Variants in DACH2 observed in about 807,000 individuals in gnomAD.
DACH2 encodes the protein dachshund family transcription factor 2.
In DACH2, 17 loss-of-function variants were observed where a neutral mutation model predicts 35.8. The observed-to-expected ratio is 0.48, with a 90% CI of 0.33 to 0.71. The LOEUF (loss-of-function observed/expected upper bound fraction) is 0.71. DACH2 is among the 30% of genes least tolerant of loss of function. The probability of loss-of-function intolerance (pLI) is 0.02; values close to 1 mark genes in which losing one functional copy is unlikely to be tolerated. For missense variants in DACH2, 469 were observed against 472.7 expected (o/e 0.99, Z 0.07); for synonymous variants, 195 against 177.3 (o/e 1.10, Z -0.79).
chrX:86,205,411 T>G (rs2032260686), intron 1 of DACH2, among the ~76,000 whole-genome samples: 1 of 64,981 alleles, frequency 1.5e-5, no homozygotes, highest in Admixed American at 1.6e-4. Context: ...CCTCCCTCCT[T>G]TCCTTCCTTC....
chrX:86,749,435 C>CAAT (rs1031364573), intron 7 of DACH2, among the ~76,000 whole-genome samples: 2 of 111,214 alleles, frequency 1.8e-5, no homozygotes, highest in Admixed American at 9.6e-5. Flanking sequence ...GACATAATTT[C>CAAT]AATATTGTTG....
chrX:86,285,401 T>A (rs1032410223), intron 1 of DACH2, among the ~76,000 whole-genome samples: 3 of 111,956 alleles, frequency 2.7e-5, no homozygotes, highest in Non-Finnish European at 5.6e-5. Context: ...TTTAAGAAAA[T>A]TTTTCCATCT....
chrX:86,563,190 C>T (rs1399642839), intron 3 of DACH2, among the ~76,000 whole-genome samples: 1 of 109,069 alleles, frequency 9.2e-6, no homozygotes, highest in Non-Finnish European at 1.9e-5. Context: ...TAAGTAGAGA[C>T]TGATCATTGG....
rs1163977487 is a variant in DACH2 at position 86,766,795 on chromosome X, T to G, written c.1240+26913T>G. 2.7e-5 allele frequency among the ~76,000 whole-genome samples: 3 copies of G among 111,500 alleles called. No homozygotes were observed. In the East Asian group the frequency reaches 8.4e-4, roughly 31 times the overall value. On this transcript the variant is annotated intron_variant, in intron 7 of 11. Transcript: ENST00000373125. ...TGAGTTGTTCTTACTAATTTCAAACTTCCCTAGTTTTTCCCGCCAACAAGA... is the reference window on the plus strand; with the variant it reads ...TGAGTTGTTCTTACTAATTTCAAACGTCCCTAGTTTTTCCCGCCAACAAGA...
chrX:86,341,758 G>A (rs2035416723), intron 1 of DACH2, among the ~76,000 whole-genome samples: 1 of 112,176 alleles, frequency 8.9e-6, no homozygotes, highest in Non-Finnish European at 1.9e-5. Context: ...AACATCAACA[G>A]GAGTTTGGAA....
At chrX:86,647,223 G>T (rs981622577) in intron 3 of DACH2, among the ~76,000 whole-genome samples, 1 of 110,051 alleles carries the variant, frequency 9.1e-6, no homozygotes, top group Non-Finnish European at 1.9e-5. Context: ...CTGCACTCCC[G>T]TGTTCATTGC....
At chrX:86,739,530 T>C (rs1249281817) in intron 6 of DACH2, among the ~76,000 whole-genome samples, 1 of 112,205 alleles carries the variant, frequency 8.9e-6, no homozygotes. Context: ...TATATGCTTT[T>C]TTGACTTTTT....
At position 86,832,126 on chromosome X, in the gene DACH2, GA is replaced by G. The variant is rs2042618905; in HGVS notation, c.1774del (p.Met592TrpfsTer18). 8.4e-7 allele frequency: 1 copy of G among 1,194,159 alleles called. No individual in the cohort carries two copies. The highest frequency in any genetic ancestry group is 1.1e-6 in the Non-Finnish European group (1 of 883,759). ...TTAAGGAGGTAACTATTACTGTTTA[GA>G]AATGGCACAACAGTTGTATTCAGCC... Reference protein sequence around the residue: ...AMQGGNYYCLEMAQQLYSA With the variant: ...AMQGGNYYCLXMAQQLYSA On this transcript the variant is annotated frameshift_variant, in exon 12 of 12. Coordinates refer to ENST00000373125, the MANE Select transcript of DACH2 (RefSeq NM_053281.3). LOFTEE classifies it high-confidence loss of function.
intron 2 of DACH2, among the ~76,000 whole-genome samples, chrX:86,387,165 T>C (rs144545339): frequency 1.4e-3 from 158 of 111,291 alleles, no homozygotes; most frequent in African/African-American, 5.0e-3. Flanking sequence ...CACTACTTAA[T>C]CTTCAGTTTG....
At chrX:86,690,702 C>T (rs2040998967) in intron 4 of DACH2, among the ~76,000 whole-genome samples, 1 of 111,906 alleles carries the variant, frequency 8.9e-6, no homozygotes, top group Non-Finnish European at 1.9e-5. Flanking sequence ...TAATATTTCC[C>T]CATAGTGAAT....
chrX:86,509,302 A>C (rs867030317), intron 2 of DACH2, among the ~76,000 whole-genome samples: 1 of 112,156 alleles, frequency 8.9e-6, no homozygotes, highest in Non-Finnish European at 1.9e-5. Flanking sequence ...TTAAGTTCCC[A>C]TGAACCAAGA....
chrX:86,808,490 A>G (rs2042365412), intron 7 of DACH2, among the ~76,000 whole-genome samples: 1 of 111,158 alleles, frequency 9.0e-6, no homozygotes, highest in Admixed American at 9.6e-5. Flanking sequence ...GATGATGGCA[A>G]TACTTGAGGA....
intron 1 of DACH2, among the ~76,000 whole-genome samples, chrX:86,295,290 G>A (rs188366407): frequency 8.9e-6 from 1 of 111,808 alleles, no homozygotes; most frequent in African/African-American, 3.3e-5. Context: ...CGCACGGTGC[G>A]CGCACCCACT....
chrX:86,509,162 G>A (rs931067159), intron 2 of DACH2, among the ~76,000 whole-genome samples: 36 of 110,978 alleles, frequency 3.2e-4, no homozygotes, highest in African/African-American at 1.2e-3. Flanking sequence ...GTATATCTAC[G>A]CTTAAGTTTG....
At chrX:86,397,553 G>A (rs917485060) in intron 2 of DACH2, among the ~76,000 whole-genome samples, 3 of 111,440 alleles carry the variant, frequency 2.7e-5, no homozygotes, top group Non-Finnish European at 5.7e-5. Flanking sequence ...TTATTATTTT[G>A]AGATACGTCC....
At chrX:86,187,544 A>T (rs5922233) in intron 1 of DACH2, among the ~76,000 whole-genome samples, 44,400 of 107,139 alleles carry the variant, frequency 0.41, 7,869 homozygotes, top group Non-Finnish European at 0.55. Flanking sequence ...CAGTCTCATG[A>T]GTAGCTGGGG....
chrX:86,564,385 G>C (rs2039266984), intron 3 of DACH2, among the ~76,000 whole-genome samples: 2 of 111,522 alleles, frequency 1.8e-5, no homozygotes, highest in East Asian at 5.7e-4. Flanking sequence ...ACTGCTGCCA[G>C]GTACATTAAA....
At chrX:86,562,255 T>C (rs751397274) in intron 3 of DACH2, among the ~76,000 whole-genome samples, 2 of 111,218 alleles carry the variant, frequency 1.8e-5, no homozygotes, top group South Asian at 7.5e-4. Flanking sequence ...TGTTTTGTTT[T>C]TTGCCAGTAA....
At chrX:86,438,836 C>G (rs1227506865) in intron 2 of DACH2, among the ~76,000 whole-genome samples, 1 of 112,505 alleles carries the variant, frequency 8.9e-6, no homozygotes, top group Non-Finnish European at 1.9e-5. Flanking sequence ...TAAGCATTCT[C>G]TTTTCTCTGC....
Sources: gnomAD v4.1 joint callset for allele counts (sites outside exome capture counted in the v4.1 genomes callset) on GRCh38, gnomAD v4.1.1 for gene constraint, MANE v1.5 for transcripts, NCBI Gene and HGNC (gene_info 2026-07-23, HGNC 2026-07-21) for gene names.